Variants in UNC5D observed in about 807,000 individuals in gnomAD.
UNC5D encodes unc-5 netrin receptor D.
In UNC5D, 39 loss-of-function variants were observed where a neutral mutation model predicts 105.4. The ratio of observed to expected loss-of-function variants is 0.37; its 90% CI spans 0.29 to 0.48. UNC5D has a LOEUF of 0.48. UNC5D is among the 20% of genes least tolerant of loss of function. The pLI, the probability that UNC5D is intolerant of heterozygous loss-of-function variation, is 0.98. For synonymous variants in UNC5D, 452 were observed against 450.4 expected (o/e 1.00, Z -0.04); for missense variants, 991 against 1,202.4 (o/e 0.82, Z 2.60).
At chr8:35,364,944 A>T (rs917651187) in intron 1 of UNC5D, among the ~76,000 whole-genome samples, 2 of 152,188 alleles carry the variant, frequency 1.3e-5, no homozygotes, top group African/African-American at 4.8e-5. Context: ...TCATCTTCAT[A>T]GAGTCAATTT....
At chr8:35,338,925 T>A (rs1371813375) in intron 1 of UNC5D, among the ~76,000 whole-genome samples, 1 of 151,856 alleles carries the variant, frequency 6.6e-6, no homozygotes, top group Non-Finnish European at 1.5e-5. Flanking sequence ...TAAGCCTGTA[T>A]GTACCTTGGG....
At chr8:35,392,162 A>G (rs1803817404) in intron 1 of UNC5D, among the ~76,000 whole-genome samples, 1 of 152,072 alleles carries the variant, frequency 6.6e-6, no homozygotes, top group Admixed American at 6.5e-5. Context: ...ATTTCCTTGG[A>G]TTTCTCAGCT....
At chr8:35,687,772 T>C (rs1826115749) in intron 7 of UNC5D, among the ~76,000 whole-genome samples, 1 of 152,146 alleles carries the variant, frequency 6.6e-6, no homozygotes, top group South Asian at 2.1e-4. Flanking sequence ...CTTTTTAGTA[T>C]TGTCAAGGCT....
At chr8:35,769,739 C>T (rs1383526502) in intron 15 of UNC5D, among the ~76,000 whole-genome samples, 4 of 152,040 alleles carry the variant, frequency 2.6e-5, no homozygotes, top group Admixed American at 6.6e-5. Context: ...GCGAGGTAGG[C>T]GGATCACAAG....
At chr8:35,572,842 C>T (rs577193675) in intron 3 of UNC5D, among the ~76,000 whole-genome samples, 10 of 142,842 alleles carry the variant, frequency 7.0e-5, no homozygotes, top group Non-Finnish European at 1.3e-4. Flanking sequence ...CTCTCTCTGT[C>T]GCCCAGGCTG....
At chr8:35,412,359 G>T (rs1201275959) in intron 1 of UNC5D, among the ~76,000 whole-genome samples, 1 of 151,870 alleles carries the variant, frequency 6.6e-6, no homozygotes. Flanking sequence ...AAGCACTATT[G>T]CATTGAGCAG....
chr8:35,443,092 T>C (rs1403134226), intron 1 of UNC5D, among the ~76,000 whole-genome samples: 2 of 152,022 alleles, frequency 1.3e-5, no homozygotes, highest in African/African-American at 4.8e-5. Context: ...TTTGGACATA[T>C]TCACATATTT....
At chr8:35,316,971 T>A (rs531834591) in intron 1 of UNC5D, among the ~76,000 whole-genome samples, 1 of 152,302 alleles carries the variant, frequency 6.6e-6, no homozygotes, top group South Asian at 2.1e-4. Flanking sequence ...ATAAATGTTC[T>A]GACTTTTAGA....
At chr8:35,528,372 A>G (rs2921109) in intron 1 of UNC5D, among the ~76,000 whole-genome samples, 67,490 of 148,324 alleles carry the variant, frequency 0.46, 19,656 homozygotes, top group African/African-American at 0.82. Context: ...CAAAGGACAC[A>G]AACTCATCAT....
intron 1 of UNC5D, among the ~76,000 whole-genome samples, chr8:35,443,409 G>C (rs1212023934): frequency 6.6e-6 from 1 of 151,612 alleles, no homozygotes; most frequent in Non-Finnish European, 1.5e-5. Context: ...TCTTAGGCTG[G>C]AAAAAGTTGT....
chr8:35,789,173 A>ATATG (rs1802906000), intron 16 of UNC5D, among the ~76,000 whole-genome samples: 7 of 92,076 alleles, frequency 7.6e-5, no homozygotes, highest in African/African-American at 3.2e-4. Context: ...ATATATATAT[A>ATATG]TATATATATA....
At chr8:35,330,253 C>G (rs1476183392) in intron 1 of UNC5D, among the ~76,000 whole-genome samples, 1 of 152,114 alleles carries the variant, frequency 6.6e-6, no homozygotes. Flanking sequence ...ATAAATGCCT[C>G]TTAGGTGGAA....
rs748728685 is a variant in UNC5D, at chr8:35,792,428, G to A, written c.*1865G>A. 24 of 152,574 alleles carry A rather than the reference G, an allele frequency of 1.6e-4. No individual in the cohort carries two copies. The highest frequency in any genetic ancestry group is 3.4e-4 in the Non-Finnish European group (23 of 68,510). The allele number at this position is 152,574 out of a possible 1,614,324, so 9.5% of individuals were successfully genotyped here. On this transcript the variant is annotated 3_prime_UTR_variant, in exon 17 of 17. Coordinates refer to ENST00000404895, the MANE Select transcript of UNC5D (RefSeq NM_080872.4). ...TCAGGAACCAAAGGCTTATGATGTA[G>A]GACAAAGAAATCATCTTAGAACTGT...
intron 1 of UNC5D, among the ~76,000 whole-genome samples, chr8:35,498,402 T>C (rs1811750302): frequency 6.6e-6 from 1 of 152,156 alleles, no homozygotes; most frequent in African/African-American, 2.4e-5. Context: ...ATCTGAATGA[T>C]GTTTTTAAAA....
At chr8:35,323,192 T>C (rs562316389) in intron 1 of UNC5D, among the ~76,000 whole-genome samples, 16 of 62,140 alleles carry the variant, frequency 2.6e-4, no homozygotes, top group East Asian at 2.0e-3. Flanking sequence ...CTTTTTCTTT[T>C]TTTTTTTTTT....
intron 8 of UNC5D, among the ~76,000 whole-genome samples, chr8:35,709,064 A>C (rs574803860): frequency 6.6e-6 from 1 of 151,866 alleles, no homozygotes; most frequent in Admixed American, 6.6e-5. Flanking sequence ...CAATCTGACT[A>C]TTCTGCCACC....
chr8:35,437,172 C>T (rs1807074153), intron 1 of UNC5D, among the ~76,000 whole-genome samples: 1 of 151,900 alleles, frequency 6.6e-6, no homozygotes, highest in Non-Finnish European at 1.5e-5. Context: ...AAAGTATGCT[C>T]TCATGTTCTT....
At chr8:35,296,354 A>G (rs959009322) in intron 1 of UNC5D, among the ~76,000 whole-genome samples, 8 of 152,110 alleles carry the variant, frequency 5.3e-5, no homozygotes, top group African/African-American at 9.7e-5. Flanking sequence ...TAGCCATCCT[A>G]ATAGGTGTGA....
intron 4 of UNC5D, among the ~76,000 whole-genome samples, chr8:35,605,632 G>T (rs1820238878): frequency 6.6e-6 from 1 of 152,196 alleles, no homozygotes; most frequent in South Asian, 2.1e-4. Flanking sequence ...TCTGTGCCCT[G>T]CCCCCAGAGG....
Sources: allele counts gnomAD v4.1 joint callset (sites outside exome capture counted in the v4.1 genomes callset), GRCh38; gene constraint gnomAD v4.1.1; transcripts MANE v1.5; gene names NCBI Gene and HGNC (gene_info 2026-07-23, HGNC 2026-07-21).